Variants in CDYL2 observed in about 807,000 individuals in gnomAD.
CDYL2 encodes the protein chromodomain Y-like protein 2.
In CDYL2, 23 loss-of-function variants were observed where a neutral mutation model predicts 49.4. The observed-to-expected ratio is 0.47, with a 90% confidence interval of 0.34 to 0.66. The LOEUF is 0.66. CDYL2 is among the 30% of genes least tolerant of loss of function. The pLI is 0.01. For synonymous variants in CDYL2, 360 were observed against 268.8 expected (o/e 1.34, Z -3.32); for missense variants, 678 against 656.4 (o/e 1.03, Z -0.36).
At chr16:80,662,524 A>G (rs1909088772) in intron 2 of CDYL2, among the ~76,000 whole-genome samples, 2 of 152,098 alleles carry the variant, frequency 1.3e-5, no homozygotes, top group African/African-American at 4.8e-5. Context: ...TTCATTCAGT[A>G]CATACTTAGT....
At chr16:80,749,788 T>C (rs1260324221) in intron 1 of CDYL2, among the ~76,000 whole-genome samples, 1 of 152,142 alleles carries the variant, frequency 6.6e-6, no homozygotes, top group Non-Finnish European at 1.5e-5. Context: ...CATGCACACA[T>C]ATGTTTATTG....
chr16:80,658,327 G>A (rs376665957), intron 2 of CDYL2, among the ~76,000 whole-genome samples: 3 of 152,120 alleles, frequency 2.0e-5, no homozygotes, highest in African/African-American at 7.2e-5. Context: ...AAAAGAGAAA[G>A]AAATAAACCT....
At chr16:80,777,205 T>A (rs1907115732) in intron 1 of CDYL2, among the ~76,000 whole-genome samples, 2 of 152,152 alleles carry the variant, frequency 1.3e-5, no homozygotes. Context: ...AGGAGTACAC[T>A]GAGAAGGGGG....
chr16:80,707,461 A>C (rs78274235), intron 1 of CDYL2, among the ~76,000 whole-genome samples: 2 of 152,028 alleles, frequency 1.3e-5, no homozygotes, highest in African/African-American at 4.8e-5. Context: ...ATGTTGTCTC[A>C]AAAAAAAGAA....
intron 2 of CDYL2, among the ~76,000 whole-genome samples, chr16:80,663,097 G>C (rs1909115397): frequency 6.7e-6 from 1 of 149,520 alleles, no homozygotes. Flanking sequence ...AAAAATTGTG[G>C]TGTTGGGGGT....
At chr16:80,608,818 GAGAA>G (rs1209494994) in intron 5 of CDYL2, among the ~76,000 whole-genome samples, 2 of 152,166 alleles carry the variant, frequency 1.3e-5, no homozygotes, top group African/African-American at 4.8e-5. Context: ...GAAAGATTAA[GAGAA>G]AGAGAGAGAG....
intron 1 of CDYL2, among the ~76,000 whole-genome samples, chr16:80,718,961 C>T (rs1904905401): frequency 6.6e-6 from 1 of 152,184 alleles, no homozygotes; most frequent in South Asian, 2.1e-4. Context: ...TAGAATTGTT[C>T]TTGGCAGTAA....
At chr16:80,648,515 C>A (rs892496165) in intron 2 of CDYL2, among the ~76,000 whole-genome samples, 1 of 151,930 alleles carries the variant, frequency 6.6e-6, no homozygotes, top group African/African-American at 2.4e-5. Context: ...TAAAAAGTCT[C>A]CCAGTAAAGA....
intron 2 of CDYL2, among the ~76,000 whole-genome samples, chr16:80,659,009 C>T (rs146151871): frequency 1.2e-4 from 19 of 152,194 alleles, no homozygotes; most frequent in Admixed American, 2.6e-4. Context: ...TATAAACTGT[C>T]ACATAAAGTA....
chr16:80,698,992 A>G (rs1459012972), intron 1 of CDYL2, among the ~76,000 whole-genome samples: 1 of 152,236 alleles, frequency 6.6e-6, no homozygotes, highest in Admixed American at 6.5e-5. Context: ...AATGGCTATT[A>G]TCAAAAAAAC....
chr16:80,758,408 T>C (rs565851216), intron 1 of CDYL2, among the ~76,000 whole-genome samples: 1 of 151,888 alleles, frequency 6.6e-6, no homozygotes, highest in Non-Finnish European at 1.5e-5. Flanking sequence ...TTGCAAGGGG[T>C]TGGGGAGGTA....
At chr16:80,695,580 C>A (rs1309706628) in intron 1 of CDYL2, among the ~76,000 whole-genome samples, 1 of 151,858 alleles carries the variant, frequency 6.6e-6, no homozygotes, top group African/African-American at 2.4e-5. Flanking sequence ...CAAACAGAAA[C>A]CAAAAATGAG....
chr16:80,668,154 G>A (rs967532750), intron 2 of CDYL2, among the ~76,000 whole-genome samples: 1 of 152,206 alleles, frequency 6.6e-6, no homozygotes, highest in Non-Finnish European at 1.5e-5. Flanking sequence ...CCTGCACACC[G>A]TAAATCCCAA....
At chr16:80,772,405 T>G (rs917277989) in intron 1 of CDYL2, among the ~76,000 whole-genome samples, 3 of 152,190 alleles carry the variant, frequency 2.0e-5, no homozygotes, top group African/African-American at 7.2e-5. Context: ...ATAAACTGGA[T>G]TCAAGATGTC....
At chr16:80,632,629 G>C in intron 3 of CDYL2, 1 of 239,426 alleles carries the variant, frequency 4.2e-6, no homozygotes, top group South Asian at 6.9e-5. Flanking sequence ...ATTATAAACT[G>C]AGTGAGATAC....
chr16:80,715,690 T>C (rs573791026), intron 1 of CDYL2, among the ~76,000 whole-genome samples: 1 of 152,142 alleles, frequency 6.6e-6, no homozygotes, highest in Non-Finnish European at 1.5e-5. Flanking sequence ...ATTGCTCAAA[T>C]GAGAACATGT....
At chr16:80,645,786 C>T (rs1272726138) in intron 2 of CDYL2, among the ~76,000 whole-genome samples, 1 of 151,844 alleles carries the variant, frequency 6.6e-6, no homozygotes, top group Non-Finnish European at 1.5e-5. Flanking sequence ...ACATATACAC[C>T]ATGGACTACT....
chr16:80,704,554 G>A (rs1410654800), intron 1 of CDYL2, among the ~76,000 whole-genome samples: 1 of 152,198 alleles, frequency 6.6e-6, no homozygotes, highest in Non-Finnish European at 1.5e-5. Context: ...TAGACAAAAG[G>A]AAAGACGTTC....
rs184809724 is a variant in CDYL2, at chr16:80,668,361, T to C, written c.616+16177A>G. 1.5e-3 allele frequency among the ~76,000 whole-genome samples: 235 copies of C among 152,304 alleles called. 3 individuals are homozygous for C. The highest frequency in any genetic ancestry group is 0.01 in the Middle Eastern group (3 of 290). On this transcript the variant is annotated intron_variant, in intron 2 of 6. Transcript: ENST00000570137. ...TAGACAGACAGATGACAGACAGATA[T>C]ATACATATCTATACCTACATACATG...
Sources: allele counts gnomAD v4.1 joint callset (sites outside exome capture counted in the v4.1 genomes callset), GRCh38; gene constraint gnomAD v4.1.1; transcripts MANE v1.5; gene names NCBI Gene and HGNC (gene_info 2026-07-23, HGNC 2026-07-21).